Variants in PLXDC2 observed in about 807,000 individuals in gnomAD.
The protein encoded by PLXDC2 is plexin domain containing 2.
PLXDC2 carries 40 observed loss-of-function variants against 68.9 expected under a neutral mutation model. That is an observed-to-expected ratio of 0.58 (90% confidence interval 0.45 to 0.76). The LOEUF is 0.76. PLXDC2 is among the 30% of genes least tolerant of loss of function. The pLI, the probability that PLXDC2 is intolerant of heterozygous loss-of-function variation, is 0.00. For missense variants in PLXDC2, 644 were observed against 661.9 expected (o/e 0.97, Z 0.30); for synonymous variants, 243 against 234.2 (o/e 1.04, Z -0.34).
intron 3 of PLXDC2, among the ~76,000 whole-genome samples, chr10:20,060,704 A>C (rs538610364): frequency 6.6e-6 from 1 of 151,600 alleles, no homozygotes; most frequent in South Asian, 2.1e-4. Context: ...CTCTGGCCTC[A>C]TGTGTCTAGG....
intron 3 of PLXDC2, among the ~76,000 whole-genome samples, chr10:20,054,342 A>T (rs1835957149): frequency 1.3e-5 from 2 of 151,994 alleles, no homozygotes; most frequent in African/African-American, 4.8e-5. Context: ...GTAAGTTAAT[A>T]CCTGAGTCTC....
intron 1 of PLXDC2, among the ~76,000 whole-genome samples, chr10:19,851,586 C>G (rs1221399860): frequency 6.6e-6 from 1 of 152,098 alleles, no homozygotes; most frequent in Non-Finnish European, 1.5e-5. Flanking sequence ...CGCTCTGTTA[C>G]CCAGGCTGGA....
intron 2 of PLXDC2, among the ~76,000 whole-genome samples, chr10:20,045,712 T>C (rs550830577): frequency 6.6e-6 from 1 of 152,176 alleles, no homozygotes; most frequent in Non-Finnish European, 1.5e-5. Flanking sequence ...AATTATCACT[T>C]AGATGATAAA....
At chr10:19,967,516 G>GA (rs776411228) in intron 1 of PLXDC2, among the ~76,000 whole-genome samples, 4 of 151,700 alleles carry the variant, frequency 2.6e-5, no homozygotes, top group African/African-American at 9.7e-5. Context: ...CTTCGAACTA[G>GA]AAAAAATAGA....
At chr10:19,938,830 G>A (rs1038010729) in intron 1 of PLXDC2, among the ~76,000 whole-genome samples, 4 of 152,170 alleles carry the variant, frequency 2.6e-5, no homozygotes, top group African/African-American at 9.7e-5. Context: ...GATTAAACTG[G>A]CAGTTGTGTG....
chr10:20,103,141 C>T (rs992619394), intron 4 of PLXDC2, among the ~76,000 whole-genome samples: 3 of 152,182 alleles, frequency 2.0e-5, no homozygotes, highest in African/African-American at 7.2e-5. Context: ...TCAGGGACCA[C>T]AGTGCTAAGG....
intron 4 of PLXDC2, among the ~76,000 whole-genome samples, chr10:20,080,708 C>G (rs1836538444): frequency 6.6e-6 from 1 of 152,162 alleles, no homozygotes; most frequent in Non-Finnish European, 1.5e-5. Context: ...TGTTAATCTT[C>G]TTTGGCAACA....
intron 1 of PLXDC2, among the ~76,000 whole-genome samples, chr10:19,866,932 T>G (rs555676580): frequency 7.9e-5 from 12 of 152,192 alleles, no homozygotes; most frequent in African/African-American, 2.9e-4. Flanking sequence ...AGCAAGGCTT[T>G]GTCTAAAAAG....
At chr10:19,869,483 AGGGT>A (rs1564614476) in intron 1 of PLXDC2, among the ~76,000 whole-genome samples, 1 of 8,324 alleles carries the variant, frequency 1.2e-4, no homozygotes, top group Non-Finnish European at 2.1e-4. Flanking sequence ...GGGGGGGGAG[AGGGT>A]GGGAGGGAGG....
chr10:19,829,918 C>G (rs1017643206), intron 1 of PLXDC2, among the ~76,000 whole-genome samples: 10 of 152,110 alleles, frequency 6.6e-5, no homozygotes, highest in African/African-American at 2.2e-4. Context: ...TCGGTGTTAT[C>G]AAGAGTAGTT....
At chr10:20,253,886 T>C (rs1336459705) in intron 13 of PLXDC2, among the ~76,000 whole-genome samples, 3 of 152,194 alleles carry the variant, frequency 2.0e-5, no homozygotes, top group African/African-American at 7.2e-5. Flanking sequence ...GCTGTATGGT[T>C]GTAGATGTTA....
chr10:20,235,484 C>T (rs1055150430), intron 12 of PLXDC2, among the ~76,000 whole-genome samples: 2 of 152,172 alleles, frequency 1.3e-5, no homozygotes, highest in Non-Finnish European at 2.9e-5. Flanking sequence ...ATATTTTAAG[C>T]ACAATGCCAA....
chr10:20,148,341 C>G (rs944266662), intron 6 of PLXDC2, among the ~76,000 whole-genome samples: 7 of 151,014 alleles, frequency 4.6e-5, no homozygotes, highest in Non-Finnish European at 8.8e-5. Context: ...GACACGAAAA[C>G]TTATGTGGCT....
chr10:19,996,447 A>ATGG (rs943791160), intron 1 of PLXDC2, among the ~76,000 whole-genome samples: 4 of 152,106 alleles, frequency 2.6e-5, no homozygotes, highest in African/African-American at 9.7e-5. Context: ...TTAGCTGGGC[A>ATGG]TGGTGGTGTG....
At chr10:19,897,665 G>GT (rs1356364848) in intron 1 of PLXDC2, among the ~76,000 whole-genome samples, 4 of 152,156 alleles carry the variant, frequency 2.6e-5, no homozygotes, top group East Asian at 3.9e-4. Flanking sequence ...ATAAAATATG[G>GT]TTTTTTTAAA....
intron 1 of PLXDC2, among the ~76,000 whole-genome samples, chr10:19,999,207 G>A (rs182651555): frequency 2.6e-5 from 4 of 152,194 alleles, no homozygotes; most frequent in African/African-American, 9.6e-5. Context: ...AAAAGGGGAG[G>A]GAAGGTGCTA....
intron 4 of PLXDC2, among the ~76,000 whole-genome samples, chr10:20,117,069 A>C (rs1833632661): frequency 6.6e-6 from 1 of 151,884 alleles, no homozygotes. Flanking sequence ...AAAATAGTTC[A>C]GCAGTTGAGC....
intron 12 of PLXDC2, among the ~76,000 whole-genome samples, chr10:20,224,267 C>T (rs985439206): frequency 1.3e-5 from 2 of 152,134 alleles, no homozygotes; most frequent in African/African-American, 2.4e-5. Flanking sequence ...AGCCACTGCA[C>T]CCGGCTGTAT....
chr10:20,026,226 G>GTT (rs750557228), intron 2 of PLXDC2, among the ~76,000 whole-genome samples: 1 of 150,344 alleles, frequency 6.7e-6, no homozygotes, highest in Non-Finnish European at 1.5e-5. Context: ...CAGAGACTAT[G>GTT]GTTTTTTTTT....
Sources: allele counts gnomAD v4.1 joint callset (sites outside exome capture counted in the v4.1 genomes callset), GRCh38; gene constraint gnomAD v4.1.1; transcripts MANE v1.5; gene names NCBI Gene and HGNC (gene_info 2026-07-23, HGNC 2026-07-21).